LRP1B: variants seen among roughly 807,000 people sequenced by gnomAD.
The protein encoded by LRP1B is low-density lipoprotein receptor-related protein 1B.
A neutral mutation model predicts 556.6 loss-of-function variants in LRP1B; 217 were observed. The ratio of observed to expected loss-of-function variants is 0.39; its 90% CI spans 0.35 to 0.44. The LOEUF (loss-of-function observed/expected upper bound fraction) is 0.44. Among genes scored for constraint, LRP1B ranks in the 20% least tolerant of loss-of-function variants. LRP1B has a pLI of 1.00. For missense variants in LRP1B, 5,053 were observed against 5,620.8 expected (o/e 0.90, Z 3.23); for synonymous variants, 2,047 against 1,865.8 (o/e 1.10, Z -2.50).
intron 41 of LRP1B, among the ~76,000 whole-genome samples, chr2:140,608,279 T>C (rs1682942555): frequency 6.6e-6 from 1 of 152,160 alleles, no homozygotes; most frequent in Non-Finnish European, 1.5e-5. Flanking sequence ...GAATATATAA[T>C]GGAAAGAGGA....
Position 141,688,207 on chromosome 2 carries a change from C to T in LRP1B, c.205+122072G>A, listed in dbSNP as rs73963527. 5.6e-3 allele frequency among the ~76,000 whole-genome samples: 838 copies of T among 150,048 alleles called. 9 individuals carry two copies. The highest frequency in any genetic ancestry group is 0.019 in the African/African-American group (799 of 40,998). On this transcript the variant is annotated intron_variant, in intron 2 of 90. Coordinates refer to ENST00000389484, the MANE Select transcript of LRP1B (RefSeq NM_018557.3). ...GTTCAAATTTGTACATATAAATATACACACACACACACACACCCCTATTCT... is the reference window on the plus strand; with the variant it reads ...GTTCAAATTTGTACATATAAATATATACACACACACACACACCCCTATTCT...
intron 7 of LRP1B, among the ~76,000 whole-genome samples, chr2:141,116,280 A>G (rs1354907693): frequency 1.3e-5 from 2 of 152,172 alleles, no homozygotes; most frequent in Non-Finnish European, 2.9e-5. Context: ...TAAGTGCATA[A>G]CTTATTAAAT....
rs566148387 is a variant in LRP1B, at chr2:141,348,766, C to A, written c.344-94125G>T. 5.9e-5 allele frequency among the ~76,000 whole-genome samples: 9 copies of A among 152,046 alleles called. 1 individual carries two copies. The South Asian group carries it at 1.9e-3, about 32-fold the overall frequency. On this transcript the variant is annotated intron_variant, in intron 3 of 90. Transcript: ENST00000389484. The stretch of plus-strand genomic sequence containing the variant: ...ACCTGTTGATATGGTTTGGTTGTGT[C>A]CCCAGCCAAATGTCATTTTGAATTC...
intron 41 of LRP1B, among the ~76,000 whole-genome samples, chr2:140,694,508 A>T (rs547203990): frequency 6.6e-6 from 1 of 152,076 alleles, no homozygotes; most frequent in African/African-American, 2.4e-5. Flanking sequence ...CTTTTTCATG[A>T]TCTTCTGCAG....
At chr2:140,379,488 A>G (rs1319670806) in intron 67 of LRP1B, among the ~76,000 whole-genome samples, 1 of 152,156 alleles carries the variant, frequency 6.6e-6, no homozygotes, top group Non-Finnish European at 1.5e-5. Context: ...TGAGGTCAGG[A>G]GTTCAAGTCC....
chr2:140,407,762 C>T (rs540720278), intron 66 of LRP1B, among the ~76,000 whole-genome samples: 5 of 152,034 alleles, frequency 3.3e-5, no homozygotes, highest in South Asian at 2.1e-4. Flanking sequence ...CTTTGGAAAA[C>T]GGTATGGAAA....
At chr2:141,166,804 G>C (rs1680284628) in intron 7 of LRP1B, among the ~76,000 whole-genome samples, 1 of 151,858 alleles carries the variant, frequency 6.6e-6, no homozygotes, top group Non-Finnish European at 1.5e-5. Flanking sequence ...AGGATAAATA[G>C]CATTCTTTTA....
chr2:140,595,021 C>A (rs751659325), intron 43 of LRP1B, among the ~76,000 whole-genome samples: 54 of 145,408 alleles, frequency 3.7e-4, no homozygotes, highest in Non-Finnish European at 7.2e-4. Context: ...ACAGTGTACT[C>A]CAAAATATAA....
intron 37 of LRP1B, among the ~76,000 whole-genome samples, chr2:140,713,352 T>G (rs572963689): frequency 3.3e-5 from 5 of 152,168 alleles, no homozygotes; most frequent in African/African-American, 9.6e-5. Flanking sequence ...TTACTGCTAT[T>G]TTCTCTTTAT....
Position 141,389,913 on chromosome 2 carries a change from G to T in LRP1B, c.343+90483C>A, listed in dbSNP as rs1382649750. ...CCAGCACTTTGGGAGGCTGAGGCAGGTGGATCACCAGAGGTCGGGAGTTTG... is the reference window on the plus strand; with the variant it reads ...CCAGCACTTTGGGAGGCTGAGGCAGTTGGATCACCAGAGGTCGGGAGTTTG... On this transcript the variant is annotated intron_variant, in intron 3 of 90. Transcript: ENST00000389484. Among the ~76,000 whole-genome samples the T allele has an allele frequency of 3.3e-5, 5 of 152,340 alleles. No homozygotes were observed. In the East Asian group the frequency reaches 9.6e-4, roughly 29 times the overall value.
Position 141,062,188 on chromosome 2 carries a change from A to G in LRP1B, c.1099T>C (p.Ser367Pro), listed in dbSNP as rs2105468592. The change falls in exon 8 of 91, where the codon TCA becomes CCA. Residue 367 changes from serine to proline, a missense_variant. Transcript: ENST00000389484. The part of the protein sequence containing the change: ...DGMNRTRIID[S>P]KTEQPAALAL... ...AGTGCAGCTGGCTGCTCTGTCTTTG[A>G]ATCAATTATCCTTGTTCGGTTCATC... The G allele has an allele frequency of 6.2e-7, 1 of 1,611,910 alleles. No homozygotes were observed. The highest frequency in any genetic ancestry group is 8.5e-7 in the Non-Finnish European group (1 of 1,178,642).
intron 87 of LRP1B, among the ~76,000 whole-genome samples, chr2:140,242,346 T>A (rs1680982971): frequency 6.6e-6 from 1 of 151,172 alleles, no homozygotes; most frequent in South Asian, 2.1e-4. Context: ...CTTTTCACAA[T>A]ATAATGCATC....
chr2:141,325,774 A>G (rs531976830), intron 3 of LRP1B, among the ~76,000 whole-genome samples: 2 of 152,168 alleles, frequency 1.3e-5, no homozygotes, highest in Non-Finnish European at 2.9e-5. Context: ...AATAATTTAT[A>G]GAGGTGAAGA....
At position 142,130,663 on chromosome 2, in the gene LRP1B, C is replaced by T. The variant is rs768383851; in HGVS notation, c.67G>A (p.Val23Met). ...GLLPIARVLT[V>M]GADRDQQLCD... ...TTCTCCTTACCTCGGTCGGCTCCCACGGTCAGCACCCTGGCAATCGGCAAT... is the reference window on the plus strand; with the variant it reads ...TTCTCCTTACCTCGGTCGGCTCCCATGGTCAGCACCCTGGCAATCGGCAAT... The change falls in exon 1 of 91, where the codon GTG becomes ATG. Residue 23 changes from valine to methionine, a missense_variant. Transcript: ENST00000389484. 4.3e-6 allele frequency: 7 copies of T among 1,612,434 alleles called. No homozygotes were observed. The highest frequency in any genetic ancestry group is 4.5e-5 in the East Asian group (2 of 44,792).
chr2:140,859,081 A>T (rs1157115379), intron 27 of LRP1B, among the ~76,000 whole-genome samples: 1 of 152,030 alleles, frequency 6.6e-6, no homozygotes, highest in Non-Finnish European at 1.5e-5. Context: ...CGGCCTCCCA[A>T]AGTGCTGGGT....
At chr2:142,005,498 A>T (rs769559325) in intron 1 of LRP1B, among the ~76,000 whole-genome samples, 1 of 152,190 alleles carries the variant, frequency 6.6e-6, no homozygotes, top group Non-Finnish European at 1.5e-5. Flanking sequence ...TGGGGCAGGA[A>T]GCACCCTGTT....
chr2:140,268,351 T>G (rs1682302901), intron 86 of LRP1B, among the ~76,000 whole-genome samples: 2 of 151,976 alleles, frequency 1.3e-5, no homozygotes, highest in Non-Finnish European at 2.9e-5. Flanking sequence ...TGCAAGACTT[T>G]CCTTTACATG....
chr2:141,732,387 C>T (rs796487385), intron 2 of LRP1B, among the ~76,000 whole-genome samples: 11 of 151,866 alleles, frequency 7.2e-5, no homozygotes, highest in African/African-American at 2.4e-4. Context: ...GAGAGACATG[C>T]TTCTAGTTCA....
chr2:141,361,801 C>T (rs1420186382), intron 3 of LRP1B, among the ~76,000 whole-genome samples: 1 of 152,074 alleles, frequency 6.6e-6, no homozygotes, highest in Non-Finnish European at 1.5e-5. Flanking sequence ...CTTTCCAGAC[C>T]CTTGTTAAAA....
Sources: gnomAD v4.1 joint callset for allele counts (sites outside exome capture counted in the v4.1 genomes callset) on GRCh38, gnomAD v4.1.1 for gene constraint, MANE v1.5 for transcripts, NCBI Gene and HGNC (gene_info 2026-07-23, HGNC 2026-07-21) for gene names.